GLUD1: variants seen among roughly 807,000 people sequenced by gnomAD.
GLUD1 encodes glutamate dehydrogenase 1.
GLUD1 carries 22 observed loss-of-function variants against 56.0 expected under a neutral mutation model. The ratio of observed to expected loss-of-function variants is 0.39; its 90% CI spans 0.28 to 0.56. The LOEUF (loss-of-function observed/expected upper bound fraction) is 0.56, where lower values mean the gene tolerates loss of function less well. GLUD1 is among the 20% of genes least tolerant of loss of function. The probability of loss-of-function intolerance (pLI) is 0.58; values close to 1 mark genes in which losing one functional copy is unlikely to be tolerated. For missense variants in GLUD1, 451 were observed against 732.0 expected (o/e 0.62, Z 4.43); for synonymous variants, 223 against 269.9 (o/e 0.83, Z 1.70).
At chr10:87,058,831 C>T (rs1006313090) in intron 10 of GLUD1, among the ~76,000 whole-genome samples, 5 of 152,010 alleles carry the variant, frequency 3.3e-5, no homozygotes, top group African/African-American at 1.2e-4. Context: ...GCGGAGGCTA[C>T]AGTAAGCCGA....
intron 4 of GLUD1, 47 bp from the exon 5 acceptor site, chr10:87,068,204 T>C (rs1035118963): frequency 8.5e-7 from 1 of 1,171,096 alleles, no homozygotes; most frequent in Non-Finnish European, 1.3e-6. Flanking sequence ...TTAAGAAAAA[T>C]TCTTCTCGAA....
At chr10:87,064,349 C>T (rs1240315918) in intron 5 of GLUD1, among the ~76,000 whole-genome samples, 1 of 152,174 alleles carries the variant, frequency 6.6e-6, no homozygotes, top group Non-Finnish European at 1.5e-5. Flanking sequence ...GCCACGAGAA[C>T]ACTGCAGAGT....
rs994627303 is a variant in GLUD1 at position 87,068,150 on chromosome 10, G to A, written c.654C>T (p.Gly218=). 1 of 1,607,700 alleles carries A rather than the reference G, an allele frequency of 6.2e-7. No homozygotes were observed. The highest frequency in any genetic ancestry group is 8.5e-7 in the Non-Finnish European group (1 of 1,174,230). The change falls in exon 5 of 13, where the codon GGC becomes GGT. Residue 218 remains glycine (G), a synonymous_variant. Transcript: ENST00000277865. ...ELAKKGFIGP[G]IDVPAPDMST... Reference sequence around the variant, plus strand: ...TCATGTCTGGAGCAGGCACATCAATGCCAGGACCTGCGGGGGCACAGGGAA... The same window carrying A: ...TCATGTCTGGAGCAGGCACATCAATACCAGGACCTGCGGGGGCACAGGGAA...
intron 5 of GLUD1, among the ~76,000 whole-genome samples, chr10:87,063,178 A>C (rs1845981638): frequency 6.6e-6 from 1 of 151,716 alleles, no homozygotes; most frequent in Non-Finnish European, 1.5e-5. Context: ...GGTTCAAGCG[A>C]TTCTCCTGCC....
At chr10:87,068,001 C>T in intron 5 of GLUD1, 62 bp downstream of exon 5, 1 of 963,854 alleles carries the variant, frequency 1.0e-6, no homozygotes, top group East Asian at 2.4e-5. Flanking sequence ...TATAATCAGT[C>T]AAACTGTTAA....
chr10:87,082,984 T>C (rs560709176), intron 1 of GLUD1, among the ~76,000 whole-genome samples: 29 of 152,334 alleles, frequency 1.9e-4, no homozygotes, highest in East Asian at 7.7e-4. Context: ...CTCACGCCTA[T>C]AATCCCAGCA....
chr10:87,076,776 T>C (rs1846408123), intron 1 of GLUD1, 120 bp from the exon 2 acceptor site: 1 of 736,232 alleles, frequency 1.4e-6, no homozygotes, highest in Non-Finnish European at 2.5e-6. Flanking sequence ...ACTTTTTACA[T>C]TTTACATCCA....
intron 1 of GLUD1, among the ~76,000 whole-genome samples, chr10:87,084,516 G>A (rs1564563342): frequency 6.6e-6 from 1 of 152,006 alleles, no homozygotes; most frequent in African/African-American, 2.4e-5. Context: ...AACCACAATT[G>A]ACTAAGCTTG....
chr10:87,054,212 T>C (rs189357546), intron 11 of GLUD1, among the ~76,000 whole-genome samples: 4 of 152,104 alleles, frequency 2.6e-5, no homozygotes, highest in Admixed American at 1.3e-4. Flanking sequence ...CTAGGGGACA[T>C]AGTAGAGAAT....
At position 87,059,131 on chromosome 10, in the gene GLUD1, C is replaced by T. The variant is rs1197637993; in HGVS notation, c.1402+19G>A. 1.2e-6 allele frequency: 2 copies of T among 1,612,064 alleles called. No homozygotes were observed. Among genetic ancestry groups the T allele is most frequent in the East Asian group, 2.2e-5 (1 of 44,866 alleles). On this transcript the variant is annotated intron_variant, in intron 10 of 12. Coordinates refer to ENST00000277865, the MANE Select transcript of GLUD1 (RefSeq NM_005271.5). ...GGCTCAAAAGATGAGTTTTGGCGAACAAGATTATCGATACTCACTGAGCAA... is the reference window on the plus strand; with the variant it reads ...GGCTCAAAAGATGAGTTTTGGCGAATAAGATTATCGATACTCACTGAGCAA...
chr10:87,051,747 C>T lies in GLUD1; in HGVS notation c.*4G>A, dbSNP rs747656281. On this transcript the variant is annotated 3_prime_UTR_variant, in exon 13 of 13. Transcript: ENST00000277865. ...GGATAGTGAGGAAGTCAGCCATGAT[C>T]CATCTATGTGAAGGTCACACCAGCT... is the stretch of plus-strand genomic sequence containing the variant. The T allele has an allele frequency of 3.1e-6, 5 of 1,612,336 alleles. No individual in the cohort carries two copies. The East Asian group carries it at 1.1e-4, about 36-fold the overall frequency.
At chr10:87,090,657 TAA>T (rs1452501739) in intron 1 of GLUD1, among the ~76,000 whole-genome samples, 1 of 152,220 alleles carries the variant, frequency 6.6e-6, no homozygotes, top group East Asian at 1.9e-4. Flanking sequence ...TAAGTGCTTT[TAA>T]AAGACACACA....
chr10:87,089,091 T>C (rs1365741836), intron 1 of GLUD1, among the ~76,000 whole-genome samples: 1 of 152,250 alleles, frequency 6.6e-6, no homozygotes, highest in Admixed American at 6.5e-5. Context: ...TGTTTGAATA[T>C]GTATTTTTCT....
At chr10:87,080,987 G>C (rs1243556307) in intron 1 of GLUD1, among the ~76,000 whole-genome samples, 1 of 131,350 alleles carries the variant, frequency 7.6e-6, no homozygotes, top group Non-Finnish European at 1.6e-5. Flanking sequence ...TCAGCCCCCC[G>C]CCCGGCCAGC....
At chr10:87,089,147 G>GGT (rs375587443) in intron 1 of GLUD1, among the ~76,000 whole-genome samples, 87 of 152,290 alleles carry the variant, frequency 5.7e-4, no homozygotes, top group South Asian at 1.5e-3. Flanking sequence ...AAATTTCAAA[G>GGT]GTATCTATGA....
intron 1 of GLUD1, among the ~76,000 whole-genome samples, chr10:87,090,919 A>T (rs1246414820): frequency 6.6e-6 from 1 of 152,182 alleles, no homozygotes; most frequent in African/African-American, 2.4e-5. Flanking sequence ...TGCTTTCTAT[A>T]GTCTTCCCTT....
chr10:87,065,272 C>CAAAAA (rs59540767), intron 5 of GLUD1, among the ~76,000 whole-genome samples: 2 of 60,794 alleles, frequency 3.3e-5, no homozygotes, highest in African/African-American at 5.7e-5. Context: ...GACTCCGTCT[C>CAAAAA]AAAAAAAAAA....
chr10:87,061,100 G>C (rs778599798), intron 6 of GLUD1, 48 bp from the exon 7 acceptor site: 2 of 1,513,584 alleles, frequency 1.3e-6, no homozygotes. Flanking sequence ...TCCTGGTATA[G>C]ACAGCAAGAG....
chr10:87,094,392 G>C lies in GLUD1; in HGVS notation c.378C>G (p.Asp126Glu). The C allele has an allele frequency of 1.2e-6, 2 of 1,613,318 alleles. No individual in the cohort carries two copies. The highest frequency in any genetic ancestry group is 1.7e-6 in the Non-Finnish European group (2 of 1,179,874). The change falls in exon 1 of 13, where the codon GAC (aspartate) becomes GAG (glutamate). Residue 126 changes from aspartate to glutamate, a missense_variant. Asp to Glu is a conservative substitution (Grantham distance 45). Transcript: ENST00000277865. This position sits in a 1 kb window ranked among gnomAD's most constrained non-coding sequence, Gnocchi z 6.6. ...AGCCTTCGATGACCTCCCAGGAGCCGTCGTCGCGCCGGATGGGGAAGGAGA... is the reference window on the plus strand; with the variant it reads ...AGCCTTCGATGACCTCCCAGGAGCCCTCGTCGCGCCGGATGGGGAAGGAGA... ...LSLSFPIRRD[D>E]GSWEVIEGYR...
Sources: gnomAD v4.1 joint callset for allele counts (sites outside exome capture counted in the v4.1 genomes callset) on GRCh38, gnomAD v4.1.1 for gene constraint, Gnocchi (gnomAD v3.1) non-coding constraint, MANE v1.5 for transcripts, NCBI Gene and HGNC (gene_info 2026-07-23, HGNC 2026-07-21) for gene names.